Variants in TET3 observed in about 807,000 individuals in gnomAD.
TET3 encodes methylcytosine dioxygenase TET3.
A neutral mutation model predicts 141.4 loss-of-function variants in TET3; 19 were observed. The observed-to-expected ratio is 0.13, with a 90% CI of 0.09 to 0.20. The LOEUF is 0.20. Ranked by LOEUF, TET3 falls within the 10% of genes least tolerant of loss-of-function variation. TET3 has a pLI of 1.00. For missense variants in TET3, 1,874 were observed against 2,356.9 expected (o/e 0.80, Z 4.24); for synonymous variants, 1,043 against 980.9 (o/e 1.06, Z -1.18).
chr2:74,041,166 C>CT (rs1318914221), intron 3 of TET3, among the ~76,000 whole-genome samples: 1 of 152,186 alleles, frequency 6.6e-6, no homozygotes, highest in Admixed American at 6.5e-5. Flanking sequence ...TCTAGTATCT[C>CT]TAAGTATTAA....
At chr2:74,080,991 C>G (rs1391554042) in intron 6 of TET3, among the ~76,000 whole-genome samples, 2 of 152,172 alleles carry the variant, frequency 1.3e-5, no homozygotes, top group African/African-American at 4.8e-5. Context: ...CTCCTTGTCC[C>G]CTTCCATGTG....
intron 3 of TET3, among the ~76,000 whole-genome samples, chr2:74,006,784 G>C (rs1382802545): frequency 6.6e-6 from 1 of 152,100 alleles, no homozygotes; most frequent in Non-Finnish European, 1.5e-5. Context: ...TTGGGCTTTC[G>C]GCCTCATTTC....
In TET3 at chr2:74,025,478, G is replaced by A. The variant is rs575973497; in HGVS notation, c.361-20800G>A. On this transcript the variant is annotated intron_variant, in intron 3 of 11. Coordinates refer to ENST00000409262, the MANE Select transcript of TET3 (RefSeq NM_001287491.2). ...AATTTTTTGTATTTTCAGTAGAGAC[G>A]GGGTTTCACCTTGTTAGCCAGGATG... Among the ~76,000 whole-genome samples, 513 of 151,736 alleles carry A rather than the reference G, an allele frequency of 3.4e-3. 4 individuals carry two copies. Among genetic ancestry groups the A allele is most frequent in the Non-Finnish European group, 2.6e-3 (180 of 67,940 alleles).
chr2:74,090,053 C>CAG lies in TET3; in HGVS notation c.3039+9_3039+10dup. ...CAGGGGACAATCCCAAAGAGGTGAG[C>CAG]AGAGCTGGGCGGGGACCCTGCCTCC... On this transcript the variant is annotated splice_region_variant and intron_variant, in intron 8 of 11. Transcript: ENST00000409262. The CAG allele has an allele frequency of 4.3e-6, 7 of 1,613,648 alleles. No homozygotes were observed. Among genetic ancestry groups the CAG allele is most frequent in the Non-Finnish European group, 5.9e-6 (7 of 1,179,688 alleles).
rs558742059 is a variant in TET3 at position 74,107,617 on chromosome 2, C to A, written c.*5441C>A. 5 of 152,162 alleles carry A rather than the reference C, an allele frequency of 3.3e-5. No individual in the cohort carries two copies. Among genetic ancestry groups the A allele is most frequent in the East Asian group, 3.9e-4 (2 of 5,184 alleles). 9.4% of individuals were successfully genotyped at this position (152,162 alleles called of 1,614,324 possible). A position where few individuals can be genotyped will look rare whatever the true frequency, so the allele number is the denominator to read the frequency against. ...TCCAATTAAAGAAACAAGGGCAGGT[C>A]GTATAATGGCATATTAATACATTAG... On this transcript the variant is annotated 3_prime_UTR_variant, in exon 12 of 12. Transcript: ENST00000409262.
chr2:74,101,535 G>A lies in TET3; in HGVS notation c.4747G>A (p.Gly1583Ser). The change falls in exon 12 of 12, where the codon GGT becomes AGT. Residue 1583 changes from glycine (G) to serine (S), a missense_variant. By Grantham distance (56) the Gly-to-Ser change is moderately conservative. This residue lies in a region of TET3 where 602 missense variants were observed against 590.2 expected (regional missense o/e 1.02). Coordinates refer to ENST00000409262, the MANE Select transcript of TET3 (RefSeq NM_001287491.2). This position sits in a 1 kb window ranked among gnomAD's most constrained non-coding sequence, Gnocchi z 8.5. The part of the protein sequence containing the change: ...SQLDRAWQSF[G>S]LPLGSSEKLF... ...GCTGGACAGGGCCTGGCAGTCCTTTGGTCTGCCCCTGGGATCCAGCGAGAA... is the reference window on the plus strand; with the variant it reads ...GCTGGACAGGGCCTGGCAGTCCTTTAGTCTGCCCCTGGGATCCAGCGAGAA... The A allele has an allele frequency of 2.5e-6, 4 of 1,610,930 alleles. No homozygotes were observed. The highest frequency in any genetic ancestry group is 3.4e-6 in the Non-Finnish European group (4 of 1,178,546).
chr2:74,061,394 A>G (rs1688546783), intron 4 of TET3, among the ~76,000 whole-genome samples: 1 of 130,182 alleles, frequency 7.7e-6, no homozygotes, highest in African/African-American at 3.0e-5. Flanking sequence ...TCCCTCCCGG[A>G]CGGGGCGGCT....
chr2:74,042,417 A>C (rs1461375120), intron 3 of TET3, among the ~76,000 whole-genome samples: 1 of 152,252 alleles, frequency 6.6e-6, no homozygotes. Context: ...GCCACTGCTC[A>C]GTTACAGACA....
chr2:73,987,531 C>T (rs1684098150), intron 2 of TET3, among the ~76,000 whole-genome samples: 2 of 152,190 alleles, frequency 1.3e-5, no homozygotes, highest in Non-Finnish European at 1.5e-5. Flanking sequence ...AGGTTGGTGA[C>T]AGCCGCGACA....
downstream of TET3, among the ~76,000 whole-genome samples, chr2:74,109,851 C>G (rs772427578): frequency 6.6e-6 from 1 of 152,184 alleles, no homozygotes; most frequent in Non-Finnish European, 1.5e-5. Flanking sequence ...ACGATCTGGA[C>G]ACACTATTTT....
At chr2:73,988,452 C>T (rs145395942) in intron 2 of TET3, among the ~76,000 whole-genome samples, 2,437 of 152,322 alleles carry the variant, frequency 0.016, 38 homozygotes, top group Non-Finnish European at 0.028. Context: ...TGAAGTGCTG[C>T]TTTTGGCAAC....
intron 3 of TET3, among the ~76,000 whole-genome samples, chr2:74,011,246 A>AAAAC (rs1553415420): frequency 1.3e-5 from 2 of 151,594 alleles, no homozygotes; most frequent in Non-Finnish European, 2.9e-5. Flanking sequence ...AAAAAAAAAA[A>AAAAC]CACTTTAAAA....
chr2:74,020,415 A>G (rs1685973042), intron 3 of TET3, among the ~76,000 whole-genome samples: 1 of 152,216 alleles, frequency 6.6e-6, no homozygotes, highest in Non-Finnish European at 1.5e-5. Flanking sequence ...TTTCTGGGGC[A>G]TAAGTGGTCT....
At chr2:73,984,154 GTCC>G (rs1331403122), upstream of TET3, among the ~76,000 whole-genome samples, 2 of 152,354 alleles carry the variant, frequency 1.3e-5, no homozygotes, top group African/African-American at 4.8e-5. This position sits in a 1 kb window ranked among gnomAD's most constrained non-coding sequence, Gnocchi z 5.6. Context: ...CCTGAACGCT[GTCC>G]TCCTCAGTTA....
intron 3 of TET3, among the ~76,000 whole-genome samples, chr2:74,015,674 G>A (rs1323264086): frequency 6.6e-6 from 1 of 152,012 alleles, no homozygotes; most frequent in Non-Finnish European, 1.5e-5. Flanking sequence ...TATAAATGTT[G>A]AGGTTATCAA....
chr2:74,094,791 G>A (rs972355055), intron 10 of TET3, among the ~76,000 whole-genome samples: 3 of 152,192 alleles, frequency 2.0e-5, no homozygotes, highest in African/African-American at 7.2e-5. Flanking sequence ...TTCAGCATCT[G>A]GGTGAGTGTT....
chr2:74,133,737 T>C, the TET3 span, among the ~76,000 whole-genome samples: 1 of 152,178 alleles, frequency 6.6e-6, no homozygotes, highest in South Asian at 2.1e-4. Context: ...ACTTTCACTT[T>C]ATTCTGTTTT....
At chr2:73,990,534 T>C (rs928651866) in intron 2 of TET3, among the ~76,000 whole-genome samples, 4 of 151,896 alleles carry the variant, frequency 2.6e-5, no homozygotes, top group Non-Finnish European at 5.9e-5. Context: ...AAGTTGACCA[T>C]GGATGAGGGA....
At position 74,080,569 on chromosome 2, in the gene TET3, G is replaced by A. The variant is rs779190181; in HGVS notation, c.2657G>A (p.Arg886His). ...IYTGKEGKSS[R>H]GCPIAKWVIR... ...ACGGGGAAGGAGGGAAAGAGCTCCC[G>A]CGGTTGCCCCATTGCAAAGTGGGTG... Residue 886 changes from arginine to histidine, a missense_variant, in exon 6 of 12, where the codon CGC becomes CAC. Physicochemically the swap from Arg to His is conservative, Grantham distance 29. Around this residue, in one of 10 missense-constraint regions of TET3, gnomAD observed 126 missense variants for 327.4 expected, o/e 0.38. Coordinates refer to ENST00000409262, the MANE Select transcript of TET3 (RefSeq NM_001287491.2). 8.1e-6 allele frequency: 13 copies of A among 1,612,786 alleles called. No individual in the cohort carries two copies. Among genetic ancestry groups the A allele is most frequent in the East Asian group, 2.2e-5 (1 of 44,832 alleles).
Sources: gnomAD v4.1 joint callset for allele counts (sites outside exome capture counted in the v4.1 genomes callset) on GRCh38, gnomAD v4.1.1 for gene constraint, gnomAD v4.1.1 regional missense constraint, Gnocchi (gnomAD v3.1) non-coding constraint, MANE v1.5 for transcripts, NCBI Gene and HGNC (gene_info 2026-07-23, HGNC 2026-07-21) for gene names.